The following MANBA variants were observed in gnomAD, a reference collection of about 807,000 sequenced individuals.
MANBA encodes mannosidase beta.
In MANBA, 83 loss-of-function variants were observed where a neutral mutation model predicts 111.1. That is an observed-to-expected ratio of 0.75 (90% confidence interval 0.63 to 0.90). The LOEUF (loss-of-function observed/expected upper bound fraction) is 0.90. MANBA is among the 40% of genes least tolerant of loss of function. The pLI is 0.00. For synonymous variants in MANBA, 370 were observed against 378.7 expected (o/e 0.98, Z 0.27); for missense variants, 1,036 against 1,069.0 (o/e 0.97, Z 0.43).
chr4:102,681,820 A>G (rs1731990564), intron 7 of MANBA, among the ~76,000 whole-genome samples: 1 of 152,174 alleles, frequency 6.6e-6, no homozygotes, highest in Non-Finnish European at 1.5e-5. Flanking sequence ...ATGAAGCTGA[A>G]TCTTCATGTA....
chr4:102,751,285 A>C (rs1350752099), intron 1 of MANBA: 1 of 323,410 alleles, frequency 3.1e-6, no homozygotes, highest in African/African-American at 2.2e-5. Flanking sequence ...CCAGGCTTAG[A>C]CTGCAGCTTC....
intron 1 of MANBA, among the ~76,000 whole-genome samples, chr4:102,747,809 T>C (rs940556930): frequency 9.9e-5 from 15 of 152,194 alleles, no homozygotes; most frequent in African/African-American, 3.6e-4. Flanking sequence ...GAGTCCTAAT[T>C]TTCTGACCAA....
intron 5 of MANBA, among the ~76,000 whole-genome samples, chr4:102,693,196 A>G (rs1426950462): frequency 1.3e-5 from 2 of 152,200 alleles, no homozygotes; most frequent in Non-Finnish European, 2.9e-5. Context: ...TAGATCACCT[A>G]GTCTGCTCGC....
chr4:102,726,477 A>C, intron 2 of MANBA, 112 bp downstream of exon 2: 1 of 683,658 alleles, frequency 1.5e-6, no homozygotes, highest in Non-Finnish European at 2.6e-6. Context: ...AAACAAAACA[A>C]AACAAAACAT....
chr4:102,677,363 A>T (rs2110229801), intron 7 of MANBA, among the ~76,000 whole-genome samples: 1 of 152,342 alleles, frequency 6.6e-6, no homozygotes, highest in Admixed American at 6.5e-5. Context: ...TTAAATACTT[A>T]AAAACTTTTT....
At chr4:102,641,902 G>C (rs1461514244) in intron 13 of MANBA, among the ~76,000 whole-genome samples, 1 of 150,986 alleles carries the variant, frequency 6.6e-6, no homozygotes, top group Non-Finnish European at 1.5e-5. Context: ...GCTCTATCTA[G>C]TAGCCTCTCT....
At chr4:102,674,151 GAAAA>G in intron 7 of MANBA, 81 bp from the exon 8 acceptor site, 2 of 1,055,116 alleles carry the variant, frequency 1.9e-6, no homozygotes, top group Non-Finnish European at 2.9e-6. Context: ...AGACCTTTTT[GAAAA>G]ACTACATTCA....
At chr4:102,677,990 G>A (rs1731798862) in intron 7 of MANBA, among the ~76,000 whole-genome samples, 1 of 152,164 alleles carries the variant, frequency 6.6e-6, no homozygotes, top group Non-Finnish European at 1.5e-5. Flanking sequence ...ACAAAAGCAT[G>A]TTGGGGTTTT....
At chr4:102,726,269 T>G (rs1414990097) in intron 2 of MANBA, among the ~76,000 whole-genome samples, 1 of 152,132 alleles carries the variant, frequency 6.6e-6, no homozygotes, top group Admixed American at 6.5e-5. Flanking sequence ...CCACATAGTA[T>G]AGGTCAAGGT....
chr4:102,693,037 T>C (rs1190416044), intron 5 of MANBA, among the ~76,000 whole-genome samples: 3 of 152,170 alleles, frequency 2.0e-5, no homozygotes, highest in African/African-American at 7.2e-5. Context: ...TGAAGTAAAA[T>C]TAATCCTGGA....
At chr4:102,651,679 A>G (rs1730339071) in intron 12 of MANBA, among the ~76,000 whole-genome samples, 1 of 152,202 alleles carries the variant, frequency 6.6e-6, no homozygotes, top group Non-Finnish European at 1.5e-5. Flanking sequence ...ATCAAGCAAC[A>G]CATGGGCCCA....
chr4:102,635,167 G>T, intron 15 of MANBA, 122 bp from the exon 16 acceptor site: 1 of 1,069,064 alleles, frequency 9.4e-7, no homozygotes, highest in South Asian at 1.4e-5. Context: ...TATGAAACCT[G>T]AGTTTTAATC....
chr4:102,703,834 G>A (rs555655198), intron 5 of MANBA, among the ~76,000 whole-genome samples: 2 of 152,254 alleles, frequency 1.3e-5, no homozygotes, highest in East Asian at 1.9e-4. Context: ...GGTGGCTCAC[G>A]CCTGTAATCC....
chr4:102,753,973 A>G (rs1393239232), intron 1 of MANBA: 1 of 399,908 alleles, frequency 2.5e-6, no homozygotes, highest in Non-Finnish European at 4.9e-6. Context: ...ACTTCACTCC[A>G]ACCTGGGCGA....
At chr4:102,709,181 G>A (rs1365725246) in intron 5 of MANBA, among the ~76,000 whole-genome samples, 3 of 150,108 alleles carry the variant, frequency 2.0e-5, no homozygotes, top group Non-Finnish European at 4.4e-5. Context: ...AAAGGAGGGA[G>A]AGAGGGAGGA....
intron 5 of MANBA, among the ~76,000 whole-genome samples, chr4:102,698,132 T>G (rs1331779070): frequency 6.6e-6 from 1 of 151,440 alleles, no homozygotes; most frequent in Non-Finnish European, 1.5e-5. Flanking sequence ...TTTTTCATGT[T>G]TTTTGGCTGC....
At chr4:102,638,631 C>G (rs1729732892) in intron 14 of MANBA, among the ~76,000 whole-genome samples, 1 of 152,150 alleles carries the variant, frequency 6.6e-6, no homozygotes, top group Non-Finnish European at 1.5e-5. Context: ...GATCAGTATC[C>G]AAGAGTCTCT....
At chr4:102,720,613 A>T (rs1422721935) in intron 4 of MANBA, among the ~76,000 whole-genome samples, 1 of 152,110 alleles carries the variant, frequency 6.6e-6, no homozygotes, top group African/African-American at 2.4e-5. Context: ...TCAAAAAAAA[A>T]AAAGGAAGGG....
intron 9 of MANBA, among the ~76,000 whole-genome samples, chr4:102,670,759 G>A (rs936716723): frequency 2.6e-5 from 4 of 152,202 alleles, no homozygotes; most frequent in Admixed American, 6.5e-5. Context: ...CAGCTGCTCC[G>A]GAGGTTGAGG....
Sources: gnomAD v4.1 joint callset for allele counts (sites outside exome capture counted in the v4.1 genomes callset) on GRCh38, gnomAD v4.1.1 for gene constraint, MANE v1.5 for transcripts, NCBI Gene and HGNC (gene_info 2026-07-23, HGNC 2026-07-21) for gene names.